Variants in ST6GAL1 observed in about 807,000 individuals in gnomAD.
The protein encoded by ST6GAL1 is beta-galactoside alpha-2,6-sialyltransferase 1.
ST6GAL1 carries 20 observed loss-of-function variants against 38.0 expected under a neutral mutation model. The ratio of observed to expected loss-of-function variants is 0.53; its 90% confidence interval spans 0.37 to 0.77. The LOEUF is 0.77. ST6GAL1 is among the 30% of genes least tolerant of loss of function. ST6GAL1 has a pLI of 0.00. For synonymous variants in ST6GAL1, 196 were observed against 188.2 expected, an observed-to-expected ratio of 1.04 and a Z score of -0.34; for missense variants, 432 against 496.4, an observed-to-expected ratio of 0.87 and a Z score of 1.23.
At chr3:187,029,528 C>T (rs1717666575) in intron 2 of ST6GAL1, among the ~76,000 whole-genome samples, 1 of 152,158 alleles carries the variant, frequency 6.6e-6, no homozygotes, top group African/African-American at 2.4e-5. Flanking sequence ...GCAAATTCAT[C>T]ACAGGAGAGG....
intron 2 of ST6GAL1, among the ~76,000 whole-genome samples, chr3:186,978,613 C>T (rs545143043): frequency 5.3e-5 from 8 of 152,230 alleles, no homozygotes; most frequent in Non-Finnish European, 1.2e-4. Flanking sequence ...TTCACCTCTT[C>T]GTGCTCCATC....
In ST6GAL1 at chr3:187,043,051, C is replaced by T. The variant is rs749528952; in HGVS notation, c.348C>T (p.Tyr116=). 66 of 1,614,066 alleles carry T rather than the reference C, an allele frequency of 4.1e-5. No homozygotes were observed. The highest frequency in any genetic ancestry group is 5.2e-5 in the Non-Finnish European group (61 of 1,180,054). Residue 116 remains tyrosine, a synonymous_variant, in exon 4 of 8, where the codon TAC becomes TAT. Transcript: ENST00000169298. ...GGCTGCAAAAGATCTGGAAGAATTA[C>T]CTAAGCATGAACAAGTACAAAGTGT... ...IPRLQKIWKN[Y]LSMNKYKVSY...
At position 186,934,760 on chromosome 3, in the gene ST6GAL1, GTATT is replaced by G. The variant is rs937293065; in HGVS notation, c.-325+3944_-325+3947del. Among the ~76,000 whole-genome samples, 4 of 20,076 alleles carry G rather than the reference GTATT, an allele frequency of 2.0e-4. No homozygotes were observed. In the Admixed American group the frequency reaches 2.2e-3, roughly 11 times the overall value. 13.2% of individuals were successfully genotyped at this position (20,076 alleles called of 152,430 possible). On this transcript the variant is annotated intron_variant, in intron 1 of 7. Coordinates refer to ENST00000169298, the MANE Select transcript of ST6GAL1 (RefSeq NM_173216.2). The stretch of plus-strand genomic sequence containing the variant: ...CTTTTAAAAAATTTTATTTATTTAT[GTATT>G]TATTTATTTATTTATTTTTTCAGAT...
Position 186,963,938 on chromosome 3 carries a change from T to G in ST6GAL1, c.-183+12T>G, listed in dbSNP as rs1350585414. The G allele has an allele frequency of 6.6e-6, 1 of 152,330 alleles. No homozygotes were observed. The highest frequency in any genetic ancestry group is 2.4e-5 in the African/African-American group (1 of 41,446). The allele number at this position is 152,330 out of a possible 1,614,324, so 9.4% of individuals were successfully genotyped here. A position where few individuals can be genotyped will look rare whatever the true frequency, so the allele number is the denominator to read the frequency against. On this transcript the variant is annotated intron_variant, in intron 2 of 7. Coordinates refer to ENST00000169298, the MANE Select transcript of ST6GAL1 (RefSeq NM_173216.2). ...ATCCCCGTGCTGAGGTAAGACCCCC[T>G]GAAGCCCAGCCTGAGGAAGAGAGGA...
intron 1 of ST6GAL1, among the ~76,000 whole-genome samples, chr3:186,936,437 TCTTG>T (rs1048831334): frequency 6.6e-6 from 1 of 152,202 alleles, no homozygotes. Context: ...ATGAATTTTT[TCTTG>T]CTTGTCTGCA....
chr3:186,959,552 A>T (rs998948104), intron 1 of ST6GAL1, among the ~76,000 whole-genome samples: 1 of 152,232 alleles, frequency 6.6e-6, no homozygotes, highest in Non-Finnish European at 1.5e-5. Flanking sequence ...AGGAACATTT[A>T]TGGTGAATAT....
intron 1 of ST6GAL1, among the ~76,000 whole-genome samples, chr3:186,937,177 A>G (rs1419629743): frequency 6.6e-6 from 1 of 152,006 alleles, no homozygotes; most frequent in African/African-American, 2.4e-5. Flanking sequence ...CTTCCCATAT[A>G]TACATTTCAT....
intron 2 of ST6GAL1, among the ~76,000 whole-genome samples, chr3:186,970,840 A>G (rs773577570): frequency 6.6e-5 from 10 of 152,212 alleles, no homozygotes; most frequent in Non-Finnish European, 1.2e-4. Flanking sequence ...GTTTTTGGCT[A>G]TTACAAGTTA....
chr3:187,049,396 C>CA (rs1295439899), intron 4 of ST6GAL1, among the ~76,000 whole-genome samples: 2 of 152,218 alleles, frequency 1.3e-5, no homozygotes, highest in East Asian at 3.8e-4. Context: ...GAGGCCGTCC[C>CA]AGTCTTGGTC....
intron 2 of ST6GAL1, among the ~76,000 whole-genome samples, chr3:187,027,594 GC>G (rs1171184275): frequency 1.3e-5 from 2 of 152,026 alleles, no homozygotes; most frequent in African/African-American, 2.4e-5. Flanking sequence ...TTTTATTCCG[GC>G]CCCCCTTCTT....
intron 1 of ST6GAL1, among the ~76,000 whole-genome samples, chr3:186,931,997 T>C (rs1713774051): frequency 6.6e-6 from 1 of 152,194 alleles, no homozygotes; most frequent in African/African-American, 2.4e-5. Flanking sequence ...TCGCGGTGAA[T>C]TGGTCTCTGA....
At position 187,051,262 on chromosome 3, in the gene ST6GAL1, A is replaced by G. The variant is rs576258291; in HGVS notation, c.621A>G (p.Ala207=). Residue 207 remains alanine (A), a synonymous_variant, in exon 5 of 8, where the codon GCA becomes GCG. Coordinates refer to ENST00000169298, the MANE Select transcript of ST6GAL1 (RefSeq NM_173216.2). ...QLGREIDDHD[A]VLRFNGAPTA... ...TGTGGTTTATAGATGATCATGACGC[A>G]GTCCTGAGGTTTAATGGGGCACCCA... 1 of 1,613,838 alleles carries G rather than the reference A, an allele frequency of 6.2e-7. No individual in the cohort carries two copies. Among genetic ancestry groups the G allele is most frequent in the Admixed American group, 1.7e-5 (1 of 59,972 alleles).
intron 2 of ST6GAL1, among the ~76,000 whole-genome samples, chr3:186,966,760 T>G (rs909160720): frequency 3.9e-5 from 6 of 152,170 alleles, no homozygotes; most frequent in Non-Finnish European, 7.4e-5. Context: ...TGAGGCCCAG[T>G]GGTGCTGGGC....
In ST6GAL1 at chr3:187,074,215, G is replaced by A. The variant is rs1364905128; in HGVS notation, c.861G>A (p.Leu287=). 3 of 1,612,640 alleles carry A rather than the reference G, an allele frequency of 1.9e-6. No homozygotes were observed. Among genetic ancestry groups the A allele is most frequent in the African/African-American group, 2.7e-5 (2 of 74,858 alleles). The change falls in exon 7 of 8, where the codon CTG becomes CTA. Residue 287 remains leucine (L), a synonymous_variant. Coordinates refer to ENST00000169298, the MANE Select transcript of ST6GAL1 (RefSeq NM_173216.2). ...ACAACTACAAGACTTATCGTAAGCT[G>A]CACCCCAATCAGCCCTTTTACATCC... ...FFNNYKTYRK[L]HPNQPFYILK...
chr3:187,033,327 C>T (rs1361278001), intron 2 of ST6GAL1, among the ~76,000 whole-genome samples: 3 of 152,152 alleles, frequency 2.0e-5, no homozygotes, highest in African/African-American at 7.2e-5. Context: ...GCAGGAGAAT[C>T]TCATGAACCT....
chr3:186,931,991 G>C (rs1713773760), intron 1 of ST6GAL1, among the ~76,000 whole-genome samples: 1 of 152,218 alleles, frequency 6.6e-6, no homozygotes, highest in Admixed American at 6.5e-5. Flanking sequence ...ATGGTTTCGC[G>C]GTGAATTGGT....
chr3:187,020,583 G>C (rs919598317), intron 2 of ST6GAL1, among the ~76,000 whole-genome samples: 1 of 152,204 alleles, frequency 6.6e-6, no homozygotes, highest in Admixed American at 6.5e-5. Flanking sequence ...TGTGTAAGGC[G>C]CCACATTATC....
At chr3:187,068,341 CAAA>C (rs112868643) in intron 5 of ST6GAL1, among the ~76,000 whole-genome samples, 9 of 87,796 alleles carry the variant, frequency 1.0e-4, no homozygotes, top group Admixed American at 3.7e-4. Flanking sequence ...GACTCCATCT[CAAA>C]AAAAAAAAAA....
At chr3:186,962,950 T>A (rs1714980075) in intron 1 of ST6GAL1, among the ~76,000 whole-genome samples, 1 of 152,180 alleles carries the variant, frequency 6.6e-6, no homozygotes, top group South Asian at 2.1e-4. Flanking sequence ...CTTTATTACA[T>A]CTTTATAAAA....
Sources: gnomAD v4.1 joint callset for allele counts (sites outside exome capture counted in the v4.1 genomes callset) on GRCh38, gnomAD v4.1.1 for gene constraint, MANE v1.5 for transcripts, NCBI Gene and HGNC (gene_info 2026-07-23, HGNC 2026-07-21) for gene names.